The following PALM2AKAP2 variants were observed in gnomAD, a reference collection of about 807,000 sequenced individuals.
The protein encoded by PALM2AKAP2 is PALM2 and AKAP2 fusion.
PALM2AKAP2 carries 37 observed loss-of-function variants against 71.5 expected under a neutral mutation model. That is an observed-to-expected ratio of 0.52 (90% CI 0.40 to 0.68). The LOEUF is 0.68. Ranked by LOEUF, PALM2AKAP2 falls within the 30% of genes least tolerant of loss-of-function variation. The pLI, the probability that PALM2AKAP2 is intolerant of heterozygous loss-of-function variation, is 0.00. For synonymous variants in PALM2AKAP2, 468 were observed against 478.8 expected (o/e 0.98, Z 0.29); for missense variants, 1,224 against 1,191.8 (o/e 1.03, Z -0.40).
chr9:110,095,753 C>CT (rs1038764037), intron 1 of PALM2AKAP2, among the ~76,000 whole-genome samples: 61 of 152,226 alleles, frequency 4.0e-4, no homozygotes, highest in African/African-American at 1.4e-3. Flanking sequence ...AGGACTTTTG[C>CT]TTTTTTCTAG....
intron 6 of PALM2AKAP2, among the ~76,000 whole-genome samples, chr9:109,992,954 TAG>T (rs3063881): frequency 9.7e-4 from 139 of 142,642 alleles, no homozygotes; most frequent in Middle Eastern, 3.6e-3. Context: ...TATATATATA[TAG>T]AGAGAGAGAG....
chr9:109,993,951 T>C (rs192316992), intron 6 of PALM2AKAP2, among the ~76,000 whole-genome samples: 2 of 152,184 alleles, frequency 1.3e-5, no homozygotes, highest in East Asian at 3.9e-4. Flanking sequence ...TTTTCTCCTT[T>C]CTTTTTCCTC....
intron 1 of PALM2AKAP2, among the ~76,000 whole-genome samples, chr9:109,734,655 C>T (rs1828603114): frequency 6.6e-6 from 1 of 152,120 alleles, no homozygotes; most frequent in Non-Finnish European, 1.5e-5. Flanking sequence ...CAAACAGATT[C>T]CATGACATTT....
intron 7 of PALM2AKAP2, among the ~76,000 whole-genome samples, chr9:110,024,169 G>A (rs1490944092): frequency 1.3e-5 from 2 of 152,010 alleles, no homozygotes; most frequent in Admixed American, 6.6e-5. Flanking sequence ...ATTCAATAAT[G>A]TTTCATAAAT....
At chr9:109,752,948 G>A (rs10980027) in intron 1 of PALM2AKAP2, among the ~76,000 whole-genome samples, 46,289 of 151,910 alleles carry the variant, frequency 0.3, 7,200 homozygotes, top group Middle Eastern at 0.4. Context: ...AAATGATGAG[G>A]AGTACTAGCT....
chr9:109,682,891 T>C (rs1234579427), intron 1 of PALM2AKAP2, among the ~76,000 whole-genome samples: 1 of 152,172 alleles, frequency 6.6e-6, no homozygotes, highest in Non-Finnish European at 1.5e-5. Flanking sequence ...GAACATGACA[T>C]TATTTGGAAA....
chr9:110,092,041 G>C (rs955223662), intron 1 of PALM2AKAP2, among the ~76,000 whole-genome samples: 1 of 152,192 alleles, frequency 6.6e-6, no homozygotes, highest in Non-Finnish European at 1.5e-5. Flanking sequence ...GATGTCAGAA[G>C]TAAGATCTGG....
At chr9:109,763,953 T>A (rs1219362798) in intron 1 of PALM2AKAP2, among the ~76,000 whole-genome samples, 1 of 152,144 alleles carries the variant, frequency 6.6e-6, no homozygotes, top group East Asian at 1.9e-4. Context: ...TTTATCTCAA[T>A]ATCCTTAACT....
At chr9:110,119,671 A>G (rs75409657) in intron 1 of PALM2AKAP2, among the ~76,000 whole-genome samples, 3,148 of 152,184 alleles carry the variant, frequency 0.021, 111 homozygotes, top group African/African-American at 0.072. Flanking sequence ...TATAAATGGG[A>G]TTGAGAGTCA....
chr9:110,087,327 G>A (rs940993086), intron 1 of PALM2AKAP2, among the ~76,000 whole-genome samples: 7 of 152,174 alleles, frequency 4.6e-5, no homozygotes, highest in African/African-American at 1.4e-4. Flanking sequence ...AGGCCCCAAA[G>A]GTTTGAGGAC....
intron 1 of PALM2AKAP2, among the ~76,000 whole-genome samples, chr9:109,748,622 A>C (rs1157013160): frequency 6.6e-6 from 1 of 152,222 alleles, no homozygotes; most frequent in South Asian, 2.1e-4. Flanking sequence ...CCTATCTGTC[A>C]TGATGCTGAC....
intron 1 of PALM2AKAP2, among the ~76,000 whole-genome samples, chr9:109,825,592 T>A (rs375300491): frequency 7.9e-5 from 12 of 152,288 alleles, no homozygotes; most frequent in East Asian, 5.8e-4. Context: ...ACATTTATGC[T>A]GCCAAAAGAC....
intron 6 of PALM2AKAP2, among the ~76,000 whole-genome samples, chr9:110,010,331 GA>G (rs1382547577): frequency 1.3e-5 from 2 of 151,658 alleles, no homozygotes. Context: ...TTATAAGTAA[GA>G]ATTTCAGCAA....
chr9:109,841,314 A>C (rs1176389558), intron 1 of PALM2AKAP2, among the ~76,000 whole-genome samples: 4 of 148,344 alleles, frequency 2.7e-5, no homozygotes, highest in African/African-American at 1.0e-4. Context: ...GGAATTGAAC[A>C]ATGAGAACAC....
intron 3 of PALM2AKAP2, among the ~76,000 whole-genome samples, chr9:109,901,046 G>C (rs906781393): frequency 6.6e-6 from 1 of 152,184 alleles, no homozygotes; most frequent in African/African-American, 2.4e-5. Flanking sequence ...TATTGAGATG[G>C]AGCAAATGTA....
chr9:109,879,696 A>G (rs888163424), intron 2 of PALM2AKAP2, among the ~76,000 whole-genome samples: 23 of 127,972 alleles, frequency 1.8e-4, no homozygotes, highest in African/African-American at 6.1e-4. Flanking sequence ...CATGGGATGT[A>G]TGGTTTTTTT....
intron 1 of PALM2AKAP2, among the ~76,000 whole-genome samples, chr9:109,798,309 G>T (rs767220030): frequency 2.0e-5 from 3 of 152,136 alleles, no homozygotes; most frequent in South Asian, 2.1e-4. Flanking sequence ...TCTTTCTGGG[G>T]ACAGGGTCCT....
chr9:110,138,138 A>T, exon 2 of PALM2AKAP2: 1 of 1,613,940 alleles, frequency 6.2e-7, no homozygotes. Context: ...TCTCCTGTTC[A>T]AGAGAAAAGG....
intron 6 of PALM2AKAP2, among the ~76,000 whole-genome samples, chr9:110,008,038 G>C (rs1366632445): frequency 6.6e-6 from 1 of 152,176 alleles, no homozygotes; most frequent in Non-Finnish European, 1.5e-5. Context: ...AGTCAAATTA[G>C]GTAGGTCAGA....
Sources: allele counts gnomAD v4.1 joint callset (sites outside exome capture counted in the v4.1 genomes callset), GRCh38; gene constraint gnomAD v4.1.1; transcripts MANE v1.5; gene names NCBI Gene and HGNC (gene_info 2026-07-23, HGNC 2026-07-21).